ATP8A2: variants seen among roughly 807,000 people sequenced by gnomAD.
ATP8A2 encodes the protein ATPase phospholipid transporting 8A2, also known as phospholipid-transporting ATPase IB.
Under a neutral mutation model 165.6 loss-of-function variants are expected in ATP8A2, and 100 were observed. That is an observed-to-expected ratio of 0.60 (90% CI 0.51 to 0.71). The LOEUF is 0.71. Among genes scored for constraint, ATP8A2 ranks in the 30% least tolerant of loss-of-function variants. ATP8A2 has a pLI of 0.00. For synonymous variants in ATP8A2, 543 were observed against 548.8 expected (o/e 0.99, Z 0.15); for missense variants, 1,227 against 1,479.5 (o/e 0.83, Z 2.80).
At position 25,688,536 on chromosome 13, in the gene ATP8A2, G is replaced by A. The variant is rs551041393; in HGVS notation, c.2212-10637G>A. Among the ~76,000 whole-genome samples the A allele has an allele frequency of 6.3e-4, 96 of 152,284 alleles. 1 individual carries two copies. The highest frequency in any genetic ancestry group is 2.3e-3 in the African/African-American group (95 of 41,546). On this transcript the variant is annotated intron_variant, in intron 24 of 36. Transcript: ENST00000381655. ...TTAAAGTTTATGTATAATAGAGTGCGCCACTGCCATTACCAACTGGAGACT... is the reference window on the plus strand; with the variant it reads ...TTAAAGTTTATGTATAATAGAGTGCACCACTGCCATTACCAACTGGAGACT...
intron 2 of ATP8A2, among the ~76,000 whole-genome samples, chr13:25,481,991 G>A (rs2036219352): frequency 6.6e-6 from 1 of 152,116 alleles, no homozygotes; most frequent in African/African-American, 2.4e-5. Flanking sequence ...GAAGGACACA[G>A]TTCAGTCCAT....
At chr13:25,382,750 T>A (rs370917651) in intron 1 of ATP8A2, among the ~76,000 whole-genome samples, 15 of 151,728 alleles carry the variant, frequency 9.9e-5, no homozygotes, top group African/African-American at 3.6e-4. Context: ...TCTGTTTAGA[T>A]CTTTTGTCCT....
intron 34 of ATP8A2, among the ~76,000 whole-genome samples, chr13:25,966,079 T>C (rs796281730): frequency 2.0e-5 from 3 of 151,160 alleles, no homozygotes; most frequent in African/African-American, 7.3e-5. Flanking sequence ...AACAGTCTAT[T>C]TCTTTTAAAA....
rs182442542 is a variant in ATP8A2 at position 25,613,536 on chromosome 13, T to C, written c.2211+23837T>C. On this transcript the variant is annotated intron_variant, in intron 24 of 36. Transcript: ENST00000381655. ...TTGCCATGAGCCAAGATTGTGCCAC[T>C]GCACTCCAGCCTGGAGACAGAGCAA... Among the ~76,000 whole-genome samples, 91 of 152,186 alleles carry C rather than the reference T, an allele frequency of 6.0e-4. 1 individual carries two copies. Among genetic ancestry groups the C allele is most frequent in the Non-Finnish European group, 6.9e-4 (47 of 68,008 alleles).
chr13:25,746,909 C>T (rs987414771), intron 25 of ATP8A2, among the ~76,000 whole-genome samples: 6 of 152,036 alleles, frequency 3.9e-5, no homozygotes, highest in African/African-American at 1.2e-4. Flanking sequence ...CTTTTTGGCC[C>T]GTGCTTTCAA....
chr13:25,471,139 A>G (rs2035832600), intron 2 of ATP8A2, among the ~76,000 whole-genome samples: 1 of 152,180 alleles, frequency 6.6e-6, no homozygotes, highest in African/African-American at 2.4e-5. Flanking sequence ...TTTCAAAAAG[A>G]TGATTTTCTA....
chr13:25,454,240 G>T (rs1018641548), intron 1 of ATP8A2, among the ~76,000 whole-genome samples: 2 of 152,062 alleles, frequency 1.3e-5, no homozygotes, highest in Non-Finnish European at 2.9e-5. Flanking sequence ...CTTTGCCATC[G>T]GCATGCCTGT....
At chr13:25,695,193 A>G (rs1199098975) in intron 24 of ATP8A2, among the ~76,000 whole-genome samples, 10 of 150,622 alleles carry the variant, frequency 6.6e-5, no homozygotes, top group East Asian at 3.9e-4. Context: ...ACTGTACTCT[A>G]TTAAGTGTGC....
intron 19 of ATP8A2, 149 bp from the exon 20 acceptor site, chr13:25,576,920 G>C: frequency 4.6e-6 from 3 of 658,312 alleles, no homozygotes; most frequent in Non-Finnish European, 8.2e-6. Flanking sequence ...TACACAGTTA[G>C]GTCCTACTTT....
At chr13:25,560,433 C>G (rs982131092) in intron 15 of ATP8A2, among the ~76,000 whole-genome samples, 1 of 151,908 alleles carries the variant, frequency 6.6e-6, no homozygotes, top group African/African-American at 2.4e-5. Flanking sequence ...GGTGTGGTGG[C>G]TCACACTTGT....
chr13:25,719,125 C>T (rs376252455), intron 25 of ATP8A2, among the ~76,000 whole-genome samples: 1 of 152,170 alleles, frequency 6.6e-6, no homozygotes, highest in Non-Finnish European at 1.5e-5. Flanking sequence ...AATCCATCTC[C>T]GTGTCGGAAA....
rs1174432227 is a variant in ATP8A2 at position 25,372,858 on chromosome 13, AACAC to A, written c.76+577_76+580del. On this transcript the variant is annotated intron_variant, in intron 1 of 36. Transcript: ENST00000381655. This position sits in a 1 kb window ranked among gnomAD's most constrained non-coding sequence, Gnocchi z 4.8. ...CCGTGCATACAACCATCTGGAGACGAACACACACACGCACACGCGCGCGCACACA... is the reference window on the plus strand; with the variant it reads ...CCGTGCATACAACCATCTGGAGACGAACACACGCACACGCGCGCGCACACA... 3.3e-5 allele frequency among the ~76,000 whole-genome samples: 5 copies of A among 152,090 alleles called. No individual in the cohort carries two copies. The highest frequency in any genetic ancestry group is 3.3e-4 in the Admixed American group (5 of 15,272).
chr13:25,878,846 C>T (rs1367888271), intron 33 of ATP8A2, among the ~76,000 whole-genome samples: 1 of 152,158 alleles, frequency 6.6e-6, no homozygotes, highest in African/African-American at 2.4e-5. Flanking sequence ...ACCACTTCCC[C>T]AGGCACAGGA....
At chr13:25,595,102 A>G (rs1179942511) in intron 24 of ATP8A2, among the ~76,000 whole-genome samples, 2 of 151,850 alleles carry the variant, frequency 1.3e-5, no homozygotes, top group Non-Finnish European at 2.9e-5. Context: ...CAAGGTTTCT[A>G]AGAAACAAGT....
Position 25,467,882 on chromosome 13 carries a change from C to T in ATP8A2, c.77-1095C>T, listed in dbSNP as rs1280304534. Among the ~76,000 whole-genome samples, 3 of 152,160 alleles carry T rather than the reference C, an allele frequency of 2.0e-5. No individual in the cohort carries two copies. In the East Asian group the frequency reaches 5.8e-4, roughly 29 times the overall value. On this transcript the variant is annotated intron_variant, in intron 1 of 36. Transcript: ENST00000381655. ...TCAGTTTTTTAATGGTGTGCAACGT[C>T]CGTTTCTTTGATAGTTGGAAAGCGT...
At chr13:25,743,476 A>T (rs1025652346) in intron 25 of ATP8A2, among the ~76,000 whole-genome samples, 1 of 152,222 alleles carries the variant, frequency 6.6e-6, no homozygotes, top group African/African-American at 2.4e-5. Context: ...GCAGAATTCT[A>T]TCAGAGTGGT....
chr13:25,866,394 T>C (rs1241674379), intron 33 of ATP8A2, among the ~76,000 whole-genome samples: 1 of 152,232 alleles, frequency 6.6e-6, no homozygotes, highest in East Asian at 1.9e-4. Context: ...GCTCTTCTTT[T>C]TCCTGGAGTG....
intron 24 of ATP8A2, among the ~76,000 whole-genome samples, chr13:25,643,051 C>G (rs139548339): frequency 0.035 from 5,250 of 151,968 alleles, 154 homozygotes; most frequent in East Asian, 0.13. Flanking sequence ...CATCATACAT[C>G]GGATCCTGTT....
intron 2 of ATP8A2, among the ~76,000 whole-genome samples, chr13:25,495,526 C>T (rs866469221): frequency 7.3e-5 from 11 of 151,480 alleles, no homozygotes; most frequent in African/African-American, 2.7e-4. Context: ...GTGGCATGAT[C>T]GTAGCTCATT....
Sources: allele counts gnomAD v4.1 joint callset (sites outside exome capture counted in the v4.1 genomes callset), GRCh38; gene constraint gnomAD v4.1.1; non-coding constraint Gnocchi (gnomAD v3.1); transcripts MANE v1.5; gene names NCBI Gene and HGNC (gene_info 2026-07-23, HGNC 2026-07-21).